Variants in CFAP46 observed in about 807,000 individuals in gnomAD.
CFAP46 encodes the protein cilia and flagella associated protein 46.
In CFAP46, 245 loss-of-function variants were observed where a neutral mutation model predicts 325.7. That is an observed-to-expected ratio of 0.75 (90% CI 0.68 to 0.84). The LOEUF is 0.84. CFAP46 is among the 40% of genes least tolerant of loss of function. CFAP46 has a pLI of 0.00. For synonymous variants in CFAP46, 1,523 were observed against 1,495.9 expected (o/e 1.02, Z -0.42); for missense variants, 3,346 against 3,543.0 (o/e 0.94, Z 1.41).
intron 57 of CFAP46, 66 bp downstream of exon 57, chr10:132,810,343 G>C: frequency 7.4e-7 from 1 of 1,355,990 alleles, no homozygotes; most frequent in Non-Finnish European, 1.1e-6. Flanking sequence ...TGCAGTGCAC[G>C]TGCCCCATGG....
chr10:132,865,943 A>G (rs1348031201), intron 35 of CFAP46, 82 bp downstream of exon 35: 33 of 1,310,054 alleles, frequency 2.5e-5, no homozygotes, highest in Non-Finnish European at 2.8e-5. Context: ...CTACAGCCCA[A>G]GCTTCTGCCC....
In CFAP46 at chr10:132,918,466, T is replaced by C; in HGVS notation, c.1913A>G (p.Glu638Gly). ...GCACACCTGCCTCTGCAGGACGACC[T>C]CAGGCTGGCTCCAGGTGTCCTGCAC... ...GSVQDTWSQP[E>G]VVLQRQVCPD... The change falls in exon 16 of 58, where the codon GAG becomes GGG. Residue 638 changes from glutamate (E) to glycine (G), a missense_variant. Physicochemically the swap from Glu to Gly is moderately conservative, Grantham distance 98. Coordinates refer to ENST00000368586, the MANE Select transcript of CFAP46 (RefSeq NM_001200049.3). The C allele has an allele frequency of 6.5e-7, 1 of 1,548,324 alleles. No individual in the cohort carries two copies. Among genetic ancestry groups the C allele is most frequent in the South Asian group, 1.2e-5 (1 of 83,956 alleles).
At position 132,876,893 on chromosome 10, in the gene CFAP46, G is replaced by A. The variant is rs1848964654; in HGVS notation, c.4281C>T (p.Tyr1427=). The change falls in exon 31 of 58, where the codon TAC becomes TAT. Residue 1427 remains tyrosine, a synonymous_variant. Transcript: ENST00000368586. This position sits in a 1 kb window ranked among gnomAD's most constrained non-coding sequence, Gnocchi z 4.1. ...LPMSIEEWAS[Y]SCPEEVLSVL... ...CAGACAGCACTTCCTCGGGGCAGGA[G>A]TAGGAAGCCCACTCTTCTATGCTCA... 2 of 1,550,448 alleles carry A rather than the reference G, an allele frequency of 1.3e-6. No individual in the cohort carries two copies. Among genetic ancestry groups the A allele is most frequent in the African/African-American group, 2.7e-5 (2 of 73,062 alleles).
At chr10:132,932,644 G>C (rs1399038576) in intron 8 of CFAP46, among the ~76,000 whole-genome samples, 1 of 123,736 alleles carries the variant, frequency 8.1e-6, no homozygotes, top group African/African-American at 3.4e-5. Flanking sequence ...CCCACACAGA[G>C]CCTGGGCCTT....
In CFAP46 at chr10:132,866,050, A is replaced by G. The variant is rs1848808410; in HGVS notation, c.4865T>C (p.Leu1622Pro). The G allele has an allele frequency of 1.3e-6, 2 of 1,525,090 alleles. No individual in the cohort carries two copies. The highest frequency in any genetic ancestry group is 1.2e-5 in the South Asian group (1 of 80,042). 94.5% of individuals were successfully genotyped at this position (1,525,090 alleles called of 1,614,324 possible). A position where few individuals can be genotyped will look rare whatever the true frequency, so the allele number is the denominator to read the frequency against. ...MNLYQPARLLLSEAYLAFQEL... is the reference protein window; with the variant it reads ...MNLYQPARLLPSEAYLAFQEL... Reference sequence around the variant, plus strand: ...CTGGAAAGCCAGGTAAGCCTCCGACAGGAGCAGCCGTGCAGGCTGGTACAG... The same window carrying G: ...CTGGAAAGCCAGGTAAGCCTCCGACGGGAGCAGCCGTGCAGGCTGGTACAG... The change falls in exon 35 of 58, where the codon CTG (leucine) becomes CCG (proline). Residue 1622 changes from leucine to proline, a missense_variant. Coordinates refer to ENST00000368586, the MANE Select transcript of CFAP46 (RefSeq NM_001200049.3).
In CFAP46 at chr10:132,814,230, GTGA is replaced by G. The variant is rs1233139748; in HGVS notation, c.7307_7309del (p.Ile2436del). The G allele has an allele frequency of 1.2e-6, 2 of 1,613,792 alleles. No homozygotes were observed. Among genetic ancestry groups the G allele is most frequent in the Non-Finnish European group, 1.7e-6 (2 of 1,179,852 alleles). On this transcript the variant is annotated inframe_deletion, in exon 54 of 58. Coordinates refer to ENST00000368586, the MANE Select transcript of CFAP46 (RefSeq NM_001200049.3). ...TTGGAATCTTTCCAAAATGTCTTGG[GTGA>G]TGGAGACAGGAGTTAGCATTTCTGC...
At position 132,909,933 on chromosome 10, in the gene CFAP46, C is replaced by A. The variant is rs1160672334; in HGVS notation, c.2635G>T (p.Gly879Cys). ...GGGGCGCCCACCTGCTCCTCGGTGCCCAGCCGTGGCCCAATCTGCTGCTGC... is the reference window on the plus strand; with the variant it reads ...GGGGCGCCCACCTGCTCCTCGGTGCACAGCCGTGGCCCAATCTGCTGCTGC... ...LLQQQIGPRL[G>C]TEEQGTNEDV... Residue 879 changes from glycine to cysteine, a missense_variant, in exon 20 of 58, where the codon GGC becomes TGC. Coordinates refer to ENST00000368586, the MANE Select transcript of CFAP46 (RefSeq NM_001200049.3). 2.7e-6 allele frequency: 4 copies of A among 1,492,274 alleles called. No individual in the cohort carries two copies. Among genetic ancestry groups the A allele is most frequent in the Non-Finnish European group, 3.6e-6 (4 of 1,122,218 alleles). The allele number at this position is 1,492,274 out of a possible 1,614,324, so 92.4% of individuals were successfully genotyped here. A position where few individuals can be genotyped will look rare whatever the true frequency, so the allele number is the denominator to read the frequency against.
chr10:132,861,136 G>A (rs1848715880), intron 35 of CFAP46, among the ~76,000 whole-genome samples, 154 bp from the exon 36 acceptor site: 2 of 152,160 alleles, frequency 1.3e-5, no homozygotes, highest in South Asian at 4.1e-4. Context: ...CACTCTGGCA[G>A]TGGAAGGGTG....
chr10:132,915,541 C>T (rs905919368), intron 17 of CFAP46, among the ~76,000 whole-genome samples: 2 of 152,122 alleles, frequency 1.3e-5, no homozygotes, highest in Non-Finnish European at 2.9e-5. Context: ...CCCAAGGGAC[C>T]GGCGAGGGCG....
Position 132,861,792 on chromosome 10 carries a change from T to C in CFAP46, c.4891-810A>G, listed in dbSNP as rs144890367. Among the ~76,000 whole-genome samples, 1,406 of 152,256 alleles carry C rather than the reference T, an allele frequency of 9.2e-3. 12 individuals carry two copies. Among genetic ancestry groups the C allele is most frequent in the South Asian group, 0.043 (208 of 4,812 alleles). On this transcript the variant is annotated intron_variant, in intron 35 of 57. Coordinates refer to ENST00000368586, the MANE Select transcript of CFAP46 (RefSeq NM_001200049.3). The stretch of plus-strand genomic sequence containing the variant: ...ATCACTTTCTGGCCAAACAAGAGGC[T>C]CTGTGTGCTCGTTTGGACCTGGGCA...
At chr10:132,851,700 C>T (rs1365307526) in intron 39 of CFAP46, among the ~76,000 whole-genome samples, 1 of 152,192 alleles carries the variant, frequency 6.6e-6, no homozygotes, top group Non-Finnish European at 1.5e-5. Context: ...CTCCTTCCCT[C>T]TCACAGCCGG....
chr10:132,877,421 G>A lies in CFAP46; in HGVS notation c.4212+460C>T, dbSNP rs1848971890. On this transcript the variant is annotated intron_variant, in intron 30 of 57. Transcript: ENST00000368586. The surrounding 1 kb of genome is among the most constrained non-coding windows in gnomAD (Gnocchi z 5.7). ...CCAGCACTTTGAGAAGTGGATACTTGCAGAGAGAAAGGTTTCATGAGATGA... is the reference window on the plus strand; with the variant it reads ...CCAGCACTTTGAGAAGTGGATACTTACAGAGAGAAAGGTTTCATGAGATGA... 6.6e-6 allele frequency among the ~76,000 whole-genome samples: 1 copy of A among 152,200 alleles called. No homozygotes were observed. The highest frequency in any genetic ancestry group is 1.5e-5 in the Non-Finnish European group (1 of 68,044).
chr10:132,904,864 C>G (rs142084737), intron 22 of CFAP46, among the ~76,000 whole-genome samples: 21 of 152,316 alleles, frequency 1.4e-4, no homozygotes, highest in Non-Finnish European at 1.9e-4. Context: ...AGGCTCCTTA[C>G]GAGGGTGAAT....
At position 132,817,285 on chromosome 10, in the gene CFAP46, G is replaced by A. The variant is rs1004880758; in HGVS notation, c.7118-2371C>T. ...TCTGAGAGTCAGACACCGGCCCTCC[G>A]GGTTACTCTTAAATATTTACTCATT... On this transcript the variant is annotated intron_variant, in intron 50 of 57. Coordinates refer to ENST00000368586, the MANE Select transcript of CFAP46 (RefSeq NM_001200049.3). This position sits in a 1 kb window ranked among gnomAD's most constrained non-coding sequence, Gnocchi z 4.4. Among the ~76,000 whole-genome samples the A allele has an allele frequency of 6.6e-5, 10 of 152,248 alleles. No individual in the cohort carries two copies. Among genetic ancestry groups the A allele is most frequent in the South Asian group, 4.1e-4 (2 of 4,824 alleles).
intron 21 of CFAP46, 84 bp downstream of exon 21, chr10:132,909,053 C>T: frequency 1.0e-6 from 1 of 984,134 alleles, no homozygotes; most frequent in Admixed American, 2.1e-5. Flanking sequence ...CACGATGGGG[C>T]TCGAGTTCCA....
intron 24 of CFAP46, among the ~76,000 whole-genome samples, chr10:132,896,429 C>T (rs1849322077): frequency 1.3e-5 from 2 of 152,242 alleles, no homozygotes; most frequent in Non-Finnish European, 2.9e-5. Flanking sequence ...ATTAAGCCAT[C>T]CAGTCTATGG....
At chr10:132,811,353 T>C (rs1030245752) in intron 55 of CFAP46, among the ~76,000 whole-genome samples, 2 of 152,144 alleles carry the variant, frequency 1.3e-5, no homozygotes, top group African/African-American at 4.8e-5. Flanking sequence ...CCACCATGCC[T>C]GGACACCCTG....
intron 21 of CFAP46, 91 bp downstream of exon 21, chr10:132,909,046 G>T: frequency 3.3e-6 from 3 of 904,630 alleles, no homozygotes; most frequent in Non-Finnish European, 5.1e-6. Context: ...GAGCATGCAC[G>T]ATGGGGCTCG....
chr10:132,938,973 G>A (rs1010455206), intron 4 of CFAP46, among the ~76,000 whole-genome samples: 2 of 152,176 alleles, frequency 1.3e-5, no homozygotes, highest in Admixed American at 6.5e-5. Flanking sequence ...CCCTGCGTCC[G>A]ACGTGCCATG....
Sources: gnomAD v4.1 joint callset for allele counts (sites outside exome capture counted in the v4.1 genomes callset) on GRCh38, gnomAD v4.1.1 for gene constraint, Gnocchi (gnomAD v3.1) non-coding constraint, MANE v1.5 for transcripts, NCBI Gene and HGNC (gene_info 2026-07-23, HGNC 2026-07-21) for gene names.